The following CGGBP1 variants were observed in gnomAD, a reference collection of about 807,000 sequenced individuals.
CGGBP1 encodes the protein CGG triplet repeat-binding protein 1.
A neutral mutation model predicts 11.4 loss-of-function variants in CGGBP1; 4 were observed. The observed-to-expected ratio is 0.35, with a 90% CI of 0.17 to 0.80. The LOEUF (loss-of-function observed/expected upper bound fraction) is 0.80, where lower values mean the gene tolerates loss of function less well. Among genes scored for constraint, CGGBP1 ranks in the 30% least tolerant of loss-of-function variants. The probability of loss-of-function intolerance (pLI) is 0.52; values close to 1 mark genes in which losing one functional copy is unlikely to be tolerated. For synonymous variants in CGGBP1, 76 were observed against 74.1 expected, an observed-to-expected ratio of 1.03 and a Z score of -0.13; for missense variants, 135 against 202.1, an observed-to-expected ratio of 0.67 and a Z score of 2.01.
chr3:88,135,939 A>G (rs916355543), intron 2 of CGGBP1, among the ~76,000 whole-genome samples: 8 of 152,070 alleles, frequency 5.3e-5, no homozygotes, highest in African/African-American at 1.7e-4. Flanking sequence ...TAATTTTTTT[A>G]TGTATTTATG....
chr3:88,059,007 G>A, upstream of CGGBP1: 1 of 382,940 alleles, frequency 2.6e-6, no homozygotes, highest in Non-Finnish European at 4.6e-6. Context: ...ACCGCCTATG[G>A]CAGAGCCCGT....
intron 2 of CGGBP1, among the ~76,000 whole-genome samples, chr3:88,131,744 A>G (rs114497500): frequency 1.3e-5 from 2 of 151,664 alleles, no homozygotes; most frequent in African/African-American, 4.8e-5. Context: ...ATGATGGCCT[A>G]CCCTCTTATT....
chr3:88,099,196 C>T (rs892208245), intron 2 of CGGBP1, among the ~76,000 whole-genome samples: 34 of 152,184 alleles, frequency 2.2e-4, no homozygotes, highest in African/African-American at 7.5e-4. Context: ...CAATAACAGA[C>T]AGAGAGCCAA....
intron 2 of CGGBP1, chr3:88,138,840 C>G: frequency 8.1e-7 from 1 of 1,231,926 alleles, no homozygotes; most frequent in Non-Finnish European, 1.0e-6. Flanking sequence ...TTTGGAGATC[C>G]TCAGGATTTG....
chr3:88,058,449 T>G (rs1706630342), intron 1 of CGGBP1, among the ~76,000 whole-genome samples: 1 of 151,714 alleles, frequency 6.6e-6, no homozygotes, highest in East Asian at 1.9e-4. Context: ...GGCCCGGGGG[T>G]TCGGGCGGGG....
chr3:88,093,368 T>C (rs1703862878), intron 2 of CGGBP1, among the ~76,000 whole-genome samples: 1 of 152,190 alleles, frequency 6.6e-6, no homozygotes, highest in African/African-American at 2.4e-5. Context: ...AGCCTCCTTT[T>C]ACCCAACAGA....
intron 2 of CGGBP1, among the ~76,000 whole-genome samples, chr3:88,101,628 T>C (rs531604339): frequency 2.2e-4 from 34 of 152,280 alleles, no homozygotes; most frequent in African/African-American, 7.9e-4. Context: ...AGTTTTGGGC[T>C]ATAAACATTT....
intron 2 of CGGBP1, chr3:88,095,357 A>G (rs1304078454): frequency 1.1e-5 from 3 of 277,532 alleles, no homozygotes; most frequent in South Asian, 3.5e-5. Context: ...AGGAAGAGAC[A>G]GGAATGTGAA....
intron 2 of CGGBP1, among the ~76,000 whole-genome samples, chr3:88,079,820 T>C (rs1273475921): frequency 2.0e-5 from 3 of 151,942 alleles, no homozygotes; most frequent in Non-Finnish European, 4.4e-5. Context: ...TTTTAAGGAG[T>C]AGTGAGTTGA....
At chr3:88,104,949 G>A (rs988793486) in intron 2 of CGGBP1, among the ~76,000 whole-genome samples, 1 of 152,198 alleles carries the variant, frequency 6.6e-6, no homozygotes, top group African/African-American at 2.4e-5. Context: ...GACCAGCCTG[G>A]CCAACATAGT....
intron 2 of CGGBP1, among the ~76,000 whole-genome samples, chr3:88,130,589 T>C (rs536489132): frequency 6.6e-6 from 1 of 150,806 alleles, no homozygotes; most frequent in Non-Finnish European, 1.5e-5. Context: ...TAGCTGGGAC[T>C]ACAGATGTGT....
At position 88,104,224 on chromosome 3, in the gene CGGBP1, T is replaced by C. The variant is rs567526921; in HGVS notation, c.-229+36746A>G. On this transcript the variant is annotated intron_variant, in intron 2 of 3. Transcript: ENST00000462901. The stretch of plus-strand genomic sequence containing the variant: ...AGAAATTTGGATGTATCTAAGGAAA[T>C]AGAGTGGAAAATGGTAAATAAAAAC... Among the ~76,000 whole-genome samples, 22 of 152,262 alleles carry C rather than the reference T, an allele frequency of 1.4e-4. No individual in the cohort carries two copies. In the South Asian group the frequency reaches 4.1e-3, roughly 29 times the overall value.
chr3:88,087,760 G>A (rs1304343293), intron 2 of CGGBP1, among the ~76,000 whole-genome samples: 1 of 152,148 alleles, frequency 6.6e-6, no homozygotes, highest in East Asian at 1.9e-4. Flanking sequence ...ATTTATTTAG[G>A]GGAGAATGCA....
At chr3:88,103,859 C>G (rs1184921530) in intron 2 of CGGBP1, among the ~76,000 whole-genome samples, 1 of 147,266 alleles carries the variant, frequency 6.8e-6, no homozygotes, top group Non-Finnish European at 1.5e-5. Context: ...CTCTGCCTCT[C>G]GGGGTCAAGC....
At chr3:88,139,690 A>G in intron 2 of CGGBP1, 1 of 1,593,854 alleles carries the variant, frequency 6.3e-7, no homozygotes, top group Non-Finnish European at 8.6e-7. Context: ...GATGTTATTG[A>G]AAATGTTATT....
At chr3:88,147,430 G>A (rs147126358) in intron 1 of CGGBP1, among the ~76,000 whole-genome samples, 11 of 152,228 alleles carry the variant, frequency 7.2e-5, no homozygotes, top group South Asian at 2.1e-4. Flanking sequence ...AGAACCTATG[G>A]CAAGTTGAAG....
At chr3:88,139,515 T>C (rs774827750) in intron 2 of CGGBP1, 1 of 1,613,458 alleles carries the variant, frequency 6.2e-7, no homozygotes, top group South Asian at 1.1e-5. Context: ...AGTCACTGCT[T>C]TGGAAGAAAT....
chr3:88,120,678 G>A (rs990564742), intron 2 of CGGBP1, among the ~76,000 whole-genome samples: 3 of 152,074 alleles, frequency 2.0e-5, no homozygotes, highest in Admixed American at 2.0e-4. Flanking sequence ...TACAGTTTGA[G>A]CACATATCCT....
intron 2 of CGGBP1, among the ~76,000 whole-genome samples, chr3:88,082,712 T>G (rs568841060): frequency 9.8e-5 from 15 of 152,332 alleles, no homozygotes; most frequent in African/African-American, 3.6e-4. Flanking sequence ...TTTTCTTTGT[T>G]ACATTACAAA....
Sources: allele counts gnomAD v4.1 joint callset (sites outside exome capture counted in the v4.1 genomes callset), GRCh38; gene constraint gnomAD v4.1.1; transcripts MANE v1.5; gene names NCBI Gene and HGNC (gene_info 2026-07-23, HGNC 2026-07-21).